Variants in CCDC73 observed in about 807,000 individuals in gnomAD.
The protein encoded by CCDC73 is coiled-coil domain containing 73.
In CCDC73, 95 loss-of-function variants were observed where a neutral mutation model predicts 116.5. The observed-to-expected ratio is 0.82, with a 90% CI of 0.69 to 0.97. CCDC73 has a LOEUF of 0.97. Among genes scored for constraint, CCDC73 ranks in the 50% least tolerant of loss-of-function variants. The pLI is 0.00. For missense variants in CCDC73, 1,066 were observed against 1,206.8 expected, an observed-to-expected ratio of 0.88 and a Z score of 1.73; for synonymous variants, 398 against 401.3, an observed-to-expected ratio of 0.99 and a Z score of 0.10.
At chr11:32,804,673 T>C in the CCDC73 span, among the ~76,000 whole-genome samples, 2 of 152,238 alleles carry the variant, frequency 1.3e-5, no homozygotes, top group Non-Finnish European at 1.5e-5. Context: ...CTCTTCCTTC[T>C]TCTTATTTTC....
chr11:32,814,448 C>A, the CCDC73 span, among the ~76,000 whole-genome samples: 3 of 152,094 alleles, frequency 2.0e-5, no homozygotes, highest in African/African-American at 7.2e-5. Context: ...TAGGTTTCAA[C>A]CAGCAAGTGA....
At chr11:32,821,632 A>G in the CCDC73 span, among the ~76,000 whole-genome samples, 1 of 152,226 alleles carries the variant, frequency 6.6e-6, no homozygotes, top group African/African-American at 2.4e-5. Flanking sequence ...TCACCTTTTC[A>G]TGACTGAAAG....
intron 2 of CCDC73, among the ~76,000 whole-genome samples, chr11:32,729,009 T>TC (rs1422453700): frequency 6.6e-6 from 1 of 151,048 alleles, no homozygotes; most frequent in African/African-American, 2.4e-5. Flanking sequence ...CCAGCCCAAT[T>TC]CTTTTTTTTT....
At chr11:32,704,325 A>G (rs1369498349) in intron 3 of CCDC73, among the ~76,000 whole-genome samples, 1 of 152,170 alleles carries the variant, frequency 6.6e-6, no homozygotes, top group African/African-American at 2.4e-5. Flanking sequence ...TGTCTGCTCC[A>G]CTGTGGAGCA....
intron 8 of CCDC73, 23 bp downstream of exon 8, chr11:32,675,863 T>C (rs1292423830): frequency 5.2e-6 from 8 of 1,544,876 alleles, no homozygotes; most frequent in East Asian, 2.3e-5. Context: ...TGAATATGTA[T>C]ATTTAAATAA....
intron 1 of CCDC73, among the ~76,000 whole-genome samples, chr11:32,768,880 G>A (rs1211010467): frequency 6.6e-6 from 1 of 152,002 alleles, no homozygotes; most frequent in Non-Finnish European, 1.5e-5. Flanking sequence ...CAAAGACAAA[G>A]ACAAACACAT....
intron 12 of CCDC73, among the ~76,000 whole-genome samples, chr11:32,647,160 G>C (rs1192766418): frequency 6.6e-6 from 1 of 152,110 alleles, no homozygotes; most frequent in East Asian, 1.9e-4. Flanking sequence ...AAGTTTAATT[G>C]GCCCATGGTT....
chr11:32,663,984 A>G (rs527729152), intron 9 of CCDC73, among the ~76,000 whole-genome samples: 1 of 152,280 alleles, frequency 6.6e-6, no homozygotes, highest in African/African-American at 2.4e-5. Context: ...GATTACACTT[A>G]TTGATTTGCA....
chr11:32,636,562 T>C (rs1855680609), intron 13 of CCDC73, among the ~76,000 whole-genome samples: 1 of 152,122 alleles, frequency 6.6e-6, no homozygotes, highest in Admixed American at 6.5e-5. Flanking sequence ...TGTGGTTTTA[T>C]AAAAGTTTAA....
At chr11:32,830,409 A>G in the CCDC73 span, 1 of 1,032,740 alleles carries the variant, frequency 9.7e-7, no homozygotes, top group East Asian at 3.2e-5. Context: ...TCTTGCGCCT[A>G]GGCTTTGAGT....
chr11:32,629,926 A>AAAG (rs1855615060), intron 14 of CCDC73, among the ~76,000 whole-genome samples: 1 of 148,644 alleles, frequency 6.7e-6, no homozygotes, highest in Non-Finnish European at 1.5e-5. Flanking sequence ...ATATGCAAAA[A>AAAG]AAAAAAAACA....
In CCDC73 at chr11:32,631,711, G is replaced by A. The variant is rs115626575; in HGVS notation, c.1185+3985C>T. Among the ~76,000 whole-genome samples, 1,083 of 152,304 alleles carry A rather than the reference G, an allele frequency of 7.1e-3. 16 individuals are homozygous for A. Among genetic ancestry groups the A allele is most frequent in the African/African-American group, 0.025 (1,044 of 41,560 alleles). ...GAAAGGAAGCAGCAAGCTAGCTGGT[G>A]TGGTGGTGTGCACCCATAGTCAGGC... On this transcript the variant is annotated intron_variant, in intron 14 of 17. Coordinates refer to ENST00000335185, the MANE Select transcript of CCDC73 (RefSeq NM_001008391.4).
intron 1 of CCDC73, among the ~76,000 whole-genome samples, chr11:32,767,604 A>T (rs1391320815): frequency 7.9e-5 from 12 of 152,172 alleles, no homozygotes; most frequent in Non-Finnish European, 1.5e-4. Flanking sequence ...GAATCTACAA[A>T]GAACTCAAAC....
In CCDC73 at chr11:32,760,141, G is replaced by C; in HGVS notation, c.103C>G (p.Leu35Val). Residue 35 changes from leucine (L) to valine (V), a missense_variant, in exon 2 of 18, where the codon CTG (leucine) becomes GTG (valine). Transcript: ENST00000335185. ...IQLLDFKTSL[L>V]EALEELRMRR... ...ATACGCAATTCTTCTAATGCCTCCA[G>C]TAAACTTGTTTTGAAATCTAATAGC... The C allele has an allele frequency of 1.9e-6, 3 of 1,605,558 alleles. No individual in the cohort carries two copies. The highest frequency in any genetic ancestry group is 2.6e-6 in the Non-Finnish European group (3 of 1,176,472).
At chr11:32,621,647 T>C (rs1438464030) in intron 14 of CCDC73, among the ~76,000 whole-genome samples, 1 of 151,954 alleles carries the variant, frequency 6.6e-6, no homozygotes, top group African/African-American at 2.4e-5. Flanking sequence ...CAAAAGCAAC[T>C]GCAACAAAAG....
chr11:32,770,042 T>C (rs1177688200), intron 1 of CCDC73, among the ~76,000 whole-genome samples: 2 of 152,216 alleles, frequency 1.3e-5, no homozygotes, highest in Non-Finnish European at 2.9e-5. Flanking sequence ...ACAGCAGTAA[T>C]TTATTATTTG....
intron 13 of CCDC73, among the ~76,000 whole-genome samples, chr11:32,637,212 T>G (rs1199417072): frequency 6.6e-6 from 1 of 151,676 alleles, no homozygotes; most frequent in Admixed American, 6.6e-5. Context: ...AGAGTTTCAC[T>G]ATGTTGGCCA....
At chr11:32,631,021 C>T (rs76332920) in intron 14 of CCDC73, among the ~76,000 whole-genome samples, 5,057 of 152,182 alleles carry the variant, frequency 0.033, 97 homozygotes, top group Non-Finnish European at 0.054. Context: ...GAAATCAGAA[C>T]AATAAATGTG....
chr11:32,615,245 T>C (rs1024636975), intron 15 of CCDC73, among the ~76,000 whole-genome samples: 4 of 152,140 alleles, frequency 2.6e-5, no homozygotes, highest in Non-Finnish European at 5.9e-5. Context: ...GGTTTATTTT[T>C]CTAGTCTATT....
Sources: allele counts gnomAD v4.1 joint callset (sites outside exome capture counted in the v4.1 genomes callset), GRCh38; gene constraint gnomAD v4.1.1; transcripts MANE v1.5; gene names NCBI Gene and HGNC (gene_info 2026-07-23, HGNC 2026-07-21).